Variants in FARP1 observed in about 807,000 individuals in gnomAD.
FARP1 encodes the protein FERM, ARHGEF and pleckstrin domain-containing protein 1.
FARP1 carries 52 observed loss-of-function variants against 128.8 expected under a neutral mutation model. That is an observed-to-expected ratio of 0.40 (90% CI 0.32 to 0.51). FARP1 has a LOEUF of 0.51. FARP1 is among the 20% of genes least tolerant of loss of function. The pLI is 0.45. For synonymous variants in FARP1, 580 were observed against 551.8 expected (o/e 1.05, Z -0.72); for missense variants, 1,333 against 1,367.9 (o/e 0.97, Z 0.40).
intron 1 of FARP1, 45 bp from the exon 2 acceptor site, chr13:98,213,175 A>AGTC: frequency 2.0e-6 from 3 of 1,494,142 alleles, no homozygotes; most frequent in Non-Finnish European, 2.7e-6. Flanking sequence ...CTTGGGTGGT[A>AGTC]GTCTCCTATT....
chr13:98,191,487 GA>G (rs1340051866), intron 1 of FARP1, among the ~76,000 whole-genome samples: 1 of 152,192 alleles, frequency 6.6e-6, no homozygotes, highest in East Asian at 1.9e-4. Flanking sequence ...TCATCAATAT[GA>G]GAGTAAATAT....
intron 1 of FARP1, among the ~76,000 whole-genome samples, chr13:98,147,960 G>T (rs1875694943): frequency 6.6e-6 from 1 of 152,082 alleles, no homozygotes; most frequent in South Asian, 2.1e-4. Flanking sequence ...AAGGAAACTT[G>T]TTATTAGAAT....
intron 1 of FARP1, among the ~76,000 whole-genome samples, chr13:98,171,788 C>T (rs1402014359): frequency 6.6e-6 from 1 of 152,144 alleles, no homozygotes; most frequent in Non-Finnish European, 1.5e-5. Flanking sequence ...TTAAAGTCCT[C>T]CTCCCCACCA....
chr13:98,365,217 G>C (rs1889034639), intron 3 of FARP1, among the ~76,000 whole-genome samples, 178 bp from the exon 4 acceptor site: 1 of 152,142 alleles, frequency 6.6e-6, no homozygotes, highest in East Asian at 1.9e-4. Context: ...AGCAAATTAG[G>C]ATCTGTTTTA....
At chr13:98,286,272 A>G (rs1409478659) in intron 2 of FARP1, among the ~76,000 whole-genome samples, 3 of 152,096 alleles carry the variant, frequency 2.0e-5, no homozygotes, top group Non-Finnish European at 4.4e-5. Context: ...TCATTATTTC[A>G]TAGAGCCCTC....
At chr13:98,291,632 C>G (rs1421899026) in intron 2 of FARP1, among the ~76,000 whole-genome samples, 1 of 152,158 alleles carries the variant, frequency 6.6e-6, no homozygotes, top group Non-Finnish European at 1.5e-5. Flanking sequence ...CTGTTCTGAG[C>G]CCCTCAGCAA....
rs368479972 is a variant in FARP1 at position 98,390,098 on chromosome 13, C to T, written c.997C>T (p.Arg333Trp). ...KPKPKPVLFS[R>W]GSSFRFSGRT... ...AAAGCCCAAGCCCGTCCTCTTTAGC[C>T]GGGGGTCATCATTTCGGTTCAGGTG... Residue 333 changes from arginine to tryptophan, a missense_variant, in exon 10 of 27, where the codon CGG becomes TGG. Arg to Trp is a moderately radical substitution (Grantham distance 101). Coordinates refer to ENST00000319562, the MANE Select transcript of FARP1 (RefSeq NM_005766.4). The T allele has an allele frequency of 4.8e-5, 77 of 1,613,868 alleles. No homozygotes were observed. The highest frequency in any genetic ancestry group is 9.9e-5 in the South Asian group (9 of 90,992).
chr13:98,275,336 GGAGAGA>G (rs58331449), intron 2 of FARP1, among the ~76,000 whole-genome samples: 3,573 of 143,598 alleles, frequency 0.025, 139 homozygotes, highest in African/African-American at 0.084. Context: ...ATGTGGGTAA[GGAGAGA>G]GAGAGAGAGA....
At chr13:98,186,286 T>G (rs1878865759) in intron 1 of FARP1, among the ~76,000 whole-genome samples, 1 of 152,010 alleles carries the variant, frequency 6.6e-6, no homozygotes, top group Non-Finnish European at 1.5e-5. Flanking sequence ...TTTTGTATTT[T>G]TAGTAGAGAT....
intron 2 of FARP1, among the ~76,000 whole-genome samples, chr13:98,229,453 T>G (rs1881982556): frequency 6.6e-6 from 1 of 152,026 alleles, no homozygotes; most frequent in African/African-American, 2.4e-5. Flanking sequence ...ATTATTAACT[T>G]TTATAACAGG....
chr13:98,171,404 G>GAAA (rs1473165822), intron 1 of FARP1, among the ~76,000 whole-genome samples: 1 of 152,128 alleles, frequency 6.6e-6, no homozygotes, highest in Non-Finnish European at 1.5e-5. Context: ...CTGGGCTTTG[G>GAAA]ACTATTTTGT....
chr13:98,403,629 TG>T (rs1890858771), intron 13 of FARP1: 1 of 152,210 alleles, frequency 6.6e-6, no homozygotes, highest in Non-Finnish European at 1.5e-5. Context: ...TTCATTTTGG[TG>T]GGCACCCAAC....
chr13:98,386,412 G>C (rs1347288387), intron 8 of FARP1, among the ~76,000 whole-genome samples: 1 of 152,104 alleles, frequency 6.6e-6, no homozygotes, highest in South Asian at 2.1e-4. Context: ...TCTAAAATGT[G>C]TGCTCTATTG....
At chr13:98,444,299 T>C (rs367794109) in intron 24 of FARP1, among the ~76,000 whole-genome samples, 14 of 152,230 alleles carry the variant, frequency 9.2e-5, no homozygotes, top group African/African-American at 3.4e-4. Context: ...GAGGTCACCA[T>C]TGTAGGCACG....
At chr13:98,301,863 G>A (rs906787911) in intron 2 of FARP1, among the ~76,000 whole-genome samples, 9 of 152,166 alleles carry the variant, frequency 5.9e-5, no homozygotes, top group African/African-American at 2.2e-4. Flanking sequence ...CTGAGCCAAA[G>A]CCAGGGCATG....
chr13:98,386,391 A>G (rs1430969141), intron 8 of FARP1, among the ~76,000 whole-genome samples: 1 of 152,154 alleles, frequency 6.6e-6, no homozygotes, highest in Non-Finnish European at 1.5e-5. Context: ...AGACATAATG[A>G]TTCTCTGCAC....
chr13:98,155,986 G>C (rs1247780112), intron 1 of FARP1, among the ~76,000 whole-genome samples: 1 of 152,216 alleles, frequency 6.6e-6, no homozygotes. Context: ...ACAGGACCCT[G>C]AGGTAGCTGT....
At chr13:98,163,235 G>A (rs9300463) in intron 1 of FARP1, among the ~76,000 whole-genome samples, 13,001 of 152,080 alleles carry the variant, frequency 0.085, 718 homozygotes, top group African/African-American at 0.15. Flanking sequence ...AGCAAATACC[G>A]CATGTTGTCA....
At chr13:98,356,669 C>G (rs988241686) in intron 3 of FARP1, among the ~76,000 whole-genome samples, 1 of 123,062 alleles carries the variant, frequency 8.1e-6, no homozygotes, top group African/African-American at 3.2e-5. Flanking sequence ...GAGACAGCCT[C>G]GCTCTGTTGC....
Sources: allele counts gnomAD v4.1 joint callset (sites outside exome capture counted in the v4.1 genomes callset), GRCh38; gene constraint gnomAD v4.1.1; transcripts MANE v1.5; gene names NCBI Gene and HGNC (gene_info 2026-07-23, HGNC 2026-07-21).